Variants in TTC28 observed in about 807,000 individuals in gnomAD.
TTC28 encodes the protein tetratricopeptide repeat protein 28.
TTC28 carries 61 observed loss-of-function variants against 198.0 expected under a neutral mutation model. The ratio of observed to expected loss-of-function variants is 0.31; its 90% CI spans 0.25 to 0.38. The LOEUF (loss-of-function observed/expected upper bound fraction) is 0.38, where lower values mean the gene tolerates loss of function less well. Ranked by LOEUF, TTC28 falls within the 10% of genes least tolerant of loss-of-function variation. The pLI is 1.00. For synonymous variants in TTC28, 1,171 were observed against 1,297.8 expected (o/e 0.90, Z 2.10); for missense variants, 2,678 against 3,164.0 (o/e 0.85, Z 3.69).
At chr22:28,071,042 G>C (rs902518622) in intron 12 of TTC28, among the ~76,000 whole-genome samples, 4 of 152,026 alleles carry the variant, frequency 2.6e-5, no homozygotes, top group African/African-American at 9.7e-5. Flanking sequence ...CTGGTGTCAG[G>C]GCATGGGAGG....
intron 5 of TTC28, among the ~76,000 whole-genome samples, chr22:28,243,009 G>A (rs947444029): frequency 2.0e-5 from 3 of 148,588 alleles, no homozygotes; most frequent in Non-Finnish European, 4.5e-5. Flanking sequence ...ATCTGACAGA[G>A]TCATTTTAAT....
Position 28,166,808 on chromosome 22 carries a change from G to A in TTC28, c.934-3209C>T, listed in dbSNP as rs183444108. 2.9e-3 allele frequency among the ~76,000 whole-genome samples: 445 copies of A among 152,204 alleles called. 1 individual carries two copies. Among genetic ancestry groups the A allele is most frequent in the Non-Finnish European group, 4.5e-3 (305 of 68,024 alleles). On this transcript the variant is annotated intron_variant, in intron 5 of 22. Coordinates refer to ENST00000397906, the MANE Select transcript of TTC28 (RefSeq NM_001145418.2). ...ACATTCAAAAGCTAGCAGAAGGCAAGAAATAACTAAGATCAGAGCAGAACT... is the reference window on the plus strand; with the variant it reads ...ACATTCAAAAGCTAGCAGAAGGCAAAAAATAACTAAGATCAGAGCAGAACT...
At chr22:28,261,045 C>A (rs1230755758) in intron 5 of TTC28, among the ~76,000 whole-genome samples, 2 of 152,084 alleles carry the variant, frequency 1.3e-5, no homozygotes, top group African/African-American at 4.8e-5. Flanking sequence ...TGTCCCACTG[C>A]CTGGCCCACT....
intron 1 of TTC28, among the ~76,000 whole-genome samples, chr22:28,654,808 C>T (rs937942446): frequency 1.3e-5 from 2 of 152,168 alleles, no homozygotes; most frequent in Non-Finnish European, 2.9e-5. Flanking sequence ...GCTAAATGCC[C>T]TAACTTCCCT....
intron 2 of TTC28, among the ~76,000 whole-genome samples, chr22:28,432,566 G>A (rs1366988173): frequency 6.6e-6 from 1 of 152,074 alleles, no homozygotes; most frequent in Non-Finnish European, 1.5e-5. Flanking sequence ...TAAATTGCTT[G>A]TTTCATGAAT....
intron 6 of TTC28, among the ~76,000 whole-genome samples, chr22:28,158,796 A>T (rs778691955): frequency 2.6e-5 from 4 of 152,250 alleles, no homozygotes; most frequent in Non-Finnish European, 4.4e-5. Flanking sequence ...CTATGACTTC[A>T]AACTATGAAA....
chr22:28,342,750 T>C (rs2045851147), intron 2 of TTC28, among the ~76,000 whole-genome samples: 1 of 151,476 alleles, frequency 6.6e-6, no homozygotes, highest in African/African-American at 2.4e-5. Context: ...TTCTACCAAA[T>C]AAGCATATCT....
intron 2 of TTC28, among the ~76,000 whole-genome samples, chr22:28,418,663 T>C (rs978521897): frequency 1.3e-5 from 2 of 152,220 alleles, no homozygotes; most frequent in African/African-American, 4.8e-5. Context: ...ATTTATTGTG[T>C]AGTACTCTCC....
intron 2 of TTC28, among the ~76,000 whole-genome samples, chr22:28,582,638 T>C (rs896097462): frequency 2.6e-5 from 4 of 152,190 alleles, no homozygotes; most frequent in African/African-American, 9.7e-5. Flanking sequence ...AACAGTTTTA[T>C]GTCTGAAAAA....
chr22:28,423,343 T>C (rs1036627454), intron 2 of TTC28, among the ~76,000 whole-genome samples: 3 of 151,948 alleles, frequency 2.0e-5, no homozygotes, highest in Non-Finnish European at 2.9e-5. Flanking sequence ...TGAGCCAAGA[T>C]TGCACCACTG....
chr22:28,599,511 G>A (rs2050603494), intron 2 of TTC28, among the ~76,000 whole-genome samples: 1 of 152,192 alleles, frequency 6.6e-6, no homozygotes, highest in African/African-American at 2.4e-5. Flanking sequence ...TGAGCAAGCT[G>A]GGCGTGGTGG....
intron 2 of TTC28, among the ~76,000 whole-genome samples, chr22:28,488,585 T>C (rs1212801950): frequency 6.6e-6 from 1 of 152,204 alleles, no homozygotes; most frequent in Non-Finnish European, 1.5e-5. Flanking sequence ...AGAAATTTCT[T>C]TTCCAGGACT....
chr22:28,111,524 G>A (rs1192784337), intron 6 of TTC28, among the ~76,000 whole-genome samples: 3 of 150,838 alleles, frequency 2.0e-5, no homozygotes, highest in African/African-American at 7.3e-5. Context: ...TTTCCTCAGA[G>A]GAAATTTTTT....
At chr22:28,543,918 C>T (rs1292979533) in intron 2 of TTC28, among the ~76,000 whole-genome samples, 2 of 152,126 alleles carry the variant, frequency 1.3e-5, no homozygotes, top group East Asian at 3.8e-4. Flanking sequence ...GATTGATTCT[C>T]GAATGTTAAA....
chr22:28,242,562 T>C (rs1175173196), intron 5 of TTC28, among the ~76,000 whole-genome samples: 1 of 152,212 alleles, frequency 6.6e-6, no homozygotes, highest in African/African-American at 2.4e-5. Flanking sequence ...ACGTGGTTTA[T>C]GCAGGAATTA....
intron 2 of TTC28, among the ~76,000 whole-genome samples, chr22:28,332,597 A>G (rs955312978): frequency 6.6e-6 from 1 of 152,140 alleles, no homozygotes; most frequent in Non-Finnish European, 1.5e-5. Flanking sequence ...GTGTACACAC[A>G]TGGTGAAACA....
At chr22:28,467,827 AC>A (rs1330668542) in intron 2 of TTC28, among the ~76,000 whole-genome samples, 1 of 152,140 alleles carries the variant, frequency 6.6e-6, no homozygotes, top group African/African-American at 2.4e-5. Flanking sequence ...AGTGGTACAA[AC>A]ATGGCTCACT....
At chr22:28,392,423 G>T (rs570904811) in intron 2 of TTC28, among the ~76,000 whole-genome samples, 3 of 152,164 alleles carry the variant, frequency 2.0e-5, no homozygotes, top group Non-Finnish European at 2.9e-5. Flanking sequence ...GGGCAATGGC[G>T]GGCACTCCTC....
chr22:28,358,229 G>A (rs9625455), intron 2 of TTC28, among the ~76,000 whole-genome samples: 126 of 152,036 alleles, frequency 8.3e-4, no homozygotes, highest in African/African-American at 2.7e-3. Context: ...CCACAGCACC[G>A]ACCCTTCACA....
Sources: allele counts gnomAD v4.1 joint callset (sites outside exome capture counted in the v4.1 genomes callset), GRCh38; gene constraint gnomAD v4.1.1; transcripts MANE v1.5; gene names NCBI Gene and HGNC (gene_info 2026-07-23, HGNC 2026-07-21).